Variants in CBARP observed in about 807,000 individuals in gnomAD.
CBARP encodes CACN subunit beta associated regulatory protein, also known as voltage-dependent calcium channel beta subunit-associated regulatory protein.
In CBARP, 24 loss-of-function variants were observed where a neutral mutation model predicts 36.3. The ratio of observed to expected loss-of-function variants is 0.66; its 90% CI spans 0.48 to 0.93. The LOEUF (loss-of-function observed/expected upper bound fraction) is 0.93. Among genes scored for constraint, CBARP ranks in the 40% least tolerant of loss-of-function variants. CBARP has a pLI of 0.00. For missense variants in CBARP, 1,146 were observed against 980.4 expected, an observed-to-expected ratio of 1.17 and a Z score of -2.26; for synonymous variants, 586 against 453.2, an observed-to-expected ratio of 1.29 and a Z score of -3.72.
At chr19:1,235,617 A>G (rs2080958577) in intron 3 of CBARP, 52 bp from the exon 4 acceptor site, 2 of 1,590,178 alleles carry the variant, frequency 1.3e-6, no homozygotes, top group East Asian at 4.6e-5. Flanking sequence ...AGATAGCCAC[A>G]GTGGGTCTCG....
rs1051141827 is a variant in CBARP, at chr19:1,229,105, C to G, written c.*74G>C. 4,190 of 546,922 alleles carry G rather than the reference C, an allele frequency of 7.7e-3. 17 individuals are homozygous for G. Among genetic ancestry groups the G allele is most frequent in the Non-Finnish European group, 9.3e-3 (3,938 of 423,774 alleles). The allele number at this position is 546,922 out of a possible 1,614,324, so 33.9% of individuals were successfully genotyped here. On this transcript the variant is annotated 3_prime_UTR_variant, in exon 10 of 10. Coordinates refer to ENST00000650044, the MANE Select transcript of CBARP (RefSeq NM_001393918.1). This position sits in a 1 kb window ranked among gnomAD's most constrained non-coding sequence, Gnocchi z 5.1. The stretch of plus-strand genomic sequence containing the variant: ...CATTCGCGTCGGGGCGTCGCGCCCC[C>G]ACGTCTCTCCCGCCGCCGAGGCCCC...
chr19:1,230,330 C>CT (rs1455875736), intron 9 of CBARP, 188 bp from the exon 10 acceptor site: 21 of 986,486 alleles, frequency 2.1e-5, no homozygotes, highest in Non-Finnish European at 2.5e-5. Context: ...TGACCCTGAG[C>CT]TGTGGCGCCT....
chr19:1,237,084 G>A (rs930009496), intron 1 of CBARP, among the ~76,000 whole-genome samples: 52 of 152,284 alleles, frequency 3.4e-4, no homozygotes, highest in Non-Finnish European at 6.0e-4. Context: ...GGTGCTCGGC[G>A]GCCCCAGGTC....
At position 1,229,229 on chromosome 19, in the gene CBARP, G is replaced by T; in HGVS notation, c.2068C>A (p.Pro690Thr). 1 of 1,232,360 alleles carries T rather than the reference G, an allele frequency of 8.1e-7. No homozygotes were observed. Among genetic ancestry groups the T allele is most frequent in the Non-Finnish European group, 1.0e-6 (1 of 963,124 alleles). 76.3% of individuals were successfully genotyped at this position (1,232,360 alleles called of 1,614,324 possible). The change falls in exon 10 of 10, where the codon CCC becomes ACC. Residue 690 changes from proline to threonine, a missense_variant. Pro to Thr is a conservative substitution (Grantham distance 38). Transcript: ENST00000650044. The surrounding 1 kb of genome is among the most constrained non-coding windows in gnomAD (Gnocchi z 5.1). ...GTGGGGGCGGCGGCGACCAACGCGGGAGTCGCCACGACGGGCTCGGCGAGG... is the reference window on the plus strand; with the variant it reads ...GTGGGGGCGGCGGCGACCAACGCGGTAGTCGCCACGACGGGCTCGGCGAGG... ...PRLAEPVVAT[P>T]ALVAAAPTSP... is the part of the protein sequence containing the mutation.
chr19:1,229,624 G>T lies in CBARP; in HGVS notation c.1673C>A (p.Pro558Gln). Residue 558 changes from proline (P) to glutamine (Q), a missense_variant, in exon 10 of 10, where the codon CCG (proline) becomes CAG (glutamine). Pro to Gln is a moderately conservative substitution (Grantham distance 76). Transcript: ENST00000650044. This position sits in a 1 kb window ranked among gnomAD's most constrained non-coding sequence, Gnocchi z 5.1. Reference protein sequence around the residue: ...ALFHEFLRHDPHFDDTPAAAR... With the variant: ...ALFHEFLRHDQHFDDTPAAAR... The stretch of plus-strand genomic sequence containing the variant: ...GGCAGCCGGCGTGTCGTCGAAGTGC[G>T]GGTCGTGGCGCAGGAACTCGTGGAA... The T allele has an allele frequency of 8.3e-7, 1 of 1,201,784 alleles. No individual in the cohort carries two copies. Among genetic ancestry groups the T allele is most frequent in the South Asian group, 1.4e-5 (1 of 72,376 alleles). The allele number at this position is 1,201,784 out of a possible 1,614,324, so 74.4% of individuals were successfully genotyped here.
At position 1,236,108 on chromosome 19, in the gene CBARP, T is replaced by G. The variant is rs1339653060; in HGVS notation, c.-8A>C. ...GGTGGCTGTGGGCTGCATTCTGAAC[T>G]GGGGAGGAGGGCCCTGTGGGGAGGA... is the stretch of plus-strand genomic sequence containing the variant. On this transcript the variant is annotated 5_prime_UTR_variant, in exon 2 of 10. Transcript: ENST00000650044. The G allele has an allele frequency of 6.9e-7, 1 of 1,444,436 alleles. No individual in the cohort carries two copies. Among genetic ancestry groups the G allele is most frequent in the Admixed American group, 2.8e-5 (1 of 36,126 alleles). The allele number at this position is 1,444,436 out of a possible 1,614,324, so 89.5% of individuals were successfully genotyped here.
rs1449134457 is a variant in CBARP, at chr19:1,230,158, C to T, written c.1155-16G>A. ...CGCCTCTAGCCTGCAAGCCAGGCCG[C>T]GCCGTCAGAGCCCCGCCGAGCCCCG... On this transcript the variant is annotated splice_polypyrimidine_tract_variant and intron_variant, in intron 9 of 9. Transcript: ENST00000650044. The T allele has an allele frequency of 7.0e-6, 7 of 1,004,668 alleles. No individual in the cohort carries two copies. Among genetic ancestry groups the T allele is most frequent in the Admixed American group, 6.1e-5 (1 of 16,320 alleles). The allele number at this position is 1,004,668 out of a possible 1,614,324, so 62.2% of individuals were successfully genotyped here.
rs1199062594 is a variant in CBARP at position 1,236,857 on chromosome 19, G to C, written c.-21-736C>G. On this transcript the variant is annotated intron_variant, in intron 1 of 9. Coordinates refer to ENST00000650044, the MANE Select transcript of CBARP (RefSeq NM_001393918.1). ...GGGCGCGGGGGCGGCGGCCTGGGGG[G>C]GGGCGGCGGCCTCGGGGGGGCGGGC... is the stretch of plus-strand genomic sequence containing the variant. Among the ~76,000 whole-genome samples, 6 of 146,540 alleles carry C rather than the reference G, an allele frequency of 4.1e-5. No homozygotes were observed. In the East Asian group the frequency reaches 1.2e-3, roughly 29 times the overall value.
chr19:1,229,897 TC>T lies in CBARP; in HGVS notation c.1399del (p.Asp467ThrfsTer361). ...GCCCCCGGAGCCTGAGCCCGAGCTG[TC>T]GCCGCTGCGCACCGAGTCGCGGTCG... The part of the protein sequence containing the change: ...GNDRDSVRSG[D>X]SSGSGSGGAA... On this transcript the variant is annotated frameshift_variant, in exon 10 of 10. Coordinates refer to ENST00000650044, the MANE Select transcript of CBARP (RefSeq NM_001393918.1). LOFTEE classifies it low-confidence loss of function (END_TRUNC). This position sits in a 1 kb window ranked among gnomAD's most constrained non-coding sequence, Gnocchi z 5.1. 9.3e-7 allele frequency: 1 copy of T among 1,074,352 alleles called. No individual in the cohort carries two copies. The highest frequency in any genetic ancestry group is 1.1e-6 in the Non-Finnish European group (1 of 872,654). The allele number at this position is 1,074,352 out of a possible 1,614,324, so 66.6% of individuals were successfully genotyped here.
At chr19:1,230,676 G>A in intron 9 of CBARP, 2 of 1,280,584 alleles carry the variant, frequency 1.6e-6, no homozygotes, top group South Asian at 2.8e-5. Flanking sequence ...CTGGGCTTCA[G>A]GGAAGTTGCC....
chr19:1,233,755 G>A, intron 7 of CBARP, 119 bp from the exon 8 acceptor site: 1 of 1,000,256 alleles, frequency 1.0e-6, no homozygotes, highest in Non-Finnish European at 1.4e-6. Context: ...GGGACAGAGA[G>A]GGGTACCTGC....
chr19:1,230,386 C>G, intron 9 of CBARP: 1 of 987,364 alleles, frequency 1.0e-6, no homozygotes, highest in Non-Finnish European at 1.2e-6. Flanking sequence ...GACGGCGGGG[C>G]CCCCTCCCTT....
chr19:1,229,831 C>A lies in CBARP; in HGVS notation c.1466G>T (p.Arg489Leu). The A allele has an allele frequency of 1.0e-6, 1 of 984,864 alleles. No homozygotes were observed. 61.0% of individuals were successfully genotyped at this position (984,864 alleles called of 1,614,324 possible). A position where few individuals can be genotyped will look rare whatever the true frequency, so the allele number is the denominator to read the frequency against. The change falls in exon 10 of 10, where the codon CGG (arginine) becomes CTG (leucine). Residue 489 changes from arginine (R) to leucine (L), a missense_variant. Physicochemically the swap from Arg to Leu is moderately radical, Grantham distance 102. Transcript: ENST00000650044. The surrounding 1 kb of genome is among the most constrained non-coding windows in gnomAD (Gnocchi z 5.1). ...AFPPPSPPAPRPKDGEARRLL... is the reference protein window; with the variant it reads ...AFPPPSPPAPLPKDGEARRLL... ...CCGGCGCGCCTCGCCGTCCTTGGGC[C>A]GCGGCGCGGGCGGGGAGGGCGGCGG...
At position 1,229,624 on chromosome 19, in the gene CBARP, G is replaced by A. The variant is rs1455943218; in HGVS notation, c.1673C>T (p.Pro558Leu). 4 of 1,201,796 alleles carry A rather than the reference G, an allele frequency of 3.3e-6. No homozygotes were observed. The highest frequency in any genetic ancestry group is 4.2e-6 in the Non-Finnish European group (4 of 948,248). The allele number at this position is 1,201,796 out of a possible 1,614,324, so 74.4% of individuals were successfully genotyped here. Residue 558 changes from proline (P) to leucine (L), a missense_variant, in exon 10 of 10, where the codon CCG (proline) becomes CTG (leucine). Coordinates refer to ENST00000650044, the MANE Select transcript of CBARP (RefSeq NM_001393918.1). The surrounding 1 kb of genome is among the most constrained non-coding windows in gnomAD (Gnocchi z 5.1). ...GGCAGCCGGCGTGTCGTCGAAGTGC[G>A]GGTCGTGGCGCAGGAACTCGTGGAA... ...ALFHEFLRHDPHFDDTPAAAR... is the reference protein window; with the variant it reads ...ALFHEFLRHDLHFDDTPAAAR...
chr19:1,237,035 G>T (rs1248022122), intron 1 of CBARP, among the ~76,000 whole-genome samples: 2 of 152,188 alleles, frequency 1.3e-5, no homozygotes, highest in African/African-American at 4.8e-5. Context: ...AGCCGGGTGG[G>T]GAGGCCCGGG....
chr19:1,230,927 C>G, intron 9 of CBARP, 174 bp downstream of exon 9: 1 of 1,580,188 alleles, frequency 6.3e-7, no homozygotes, highest in Non-Finnish European at 8.6e-7. Flanking sequence ...TCCTCTGGTC[C>G]ATGCTGGAGA....
intron 7 of CBARP, 111 bp from the exon 8 acceptor site, chr19:1,233,747 G>T: frequency 9.5e-7 from 1 of 1,053,468 alleles, no homozygotes; most frequent in Non-Finnish European, 1.4e-6. Context: ...CCATCACTGG[G>T]ACAGAGAGGG....
chr19:1,229,153 A>C lies in CBARP; in HGVS notation c.*26T>G. On this transcript the variant is annotated 3_prime_UTR_variant, in exon 10 of 10. Transcript: ENST00000650044. The surrounding 1 kb of genome is among the most constrained non-coding windows in gnomAD (Gnocchi z 5.1). ...CCCGTGCGGCGCCGGAGAAGCTGCCAGAGAGATGGGCCCAGGACGCGGGAC... is the reference window on the plus strand; with the variant it reads ...CCCGTGCGGCGCCGGAGAAGCTGCCCGAGAGATGGGCCCAGGACGCGGGAC... 1 of 979,972 alleles carries C rather than the reference A, an allele frequency of 1.0e-6. No homozygotes were observed. Among genetic ancestry groups the C allele is most frequent in the Non-Finnish European group, 1.3e-6 (1 of 799,496 alleles). The allele number at this position is 979,972 out of a possible 1,614,324, so 60.7% of individuals were successfully genotyped here.
In CBARP at chr19:1,229,224, C is replaced by T. The variant is rs1599936599; in HGVS notation, c.2073G>A (p.Ala691=). ...GGGACGTGGGGGCGGCGGCGACCAACGCGGGAGTCGCCACGACGGGCTCGG... is the reference window on the plus strand; with the variant it reads ...GGGACGTGGGGGCGGCGGCGACCAATGCGGGAGTCGCCACGACGGGCTCGG... ...RLAEPVVATP[A]LVAAAPTSPD... Residue 691 remains alanine (A), a synonymous_variant, in exon 10 of 10, where the codon GCG becomes GCA. Transcript: ENST00000650044. This position sits in a 1 kb window ranked among gnomAD's most constrained non-coding sequence, Gnocchi z 5.1. The T allele has an allele frequency of 2.4e-6, 3 of 1,228,940 alleles. No individual in the cohort carries two copies. The highest frequency in any genetic ancestry group is 1.6e-5 in the African/African-American group (1 of 61,164). 76.1% of individuals were successfully genotyped at this position (1,228,940 alleles called of 1,614,324 possible).
Sources: allele counts gnomAD v4.1 joint callset (sites outside exome capture counted in the v4.1 genomes callset), GRCh38; gene constraint gnomAD v4.1.1; non-coding constraint Gnocchi (gnomAD v3.1); transcripts MANE v1.5; gene names NCBI Gene and HGNC (gene_info 2026-07-23, HGNC 2026-07-21).